Variants in STAG2 observed in about 807,000 individuals in gnomAD.
The protein encoded by STAG2 is cohesin subunit SA-2.
In STAG2, 14 loss-of-function variants were observed where a neutral mutation model predicts 108.1. The ratio of observed to expected loss-of-function variants is 0.13; its 90% confidence interval spans 0.09 to 0.20. STAG2 has a LOEUF of 0.20. Among genes scored for constraint, STAG2 ranks in the 10% least tolerant of loss-of-function variants. STAG2 has a pLI of 1.00. For synonymous variants in STAG2, 307 were observed against 302.7 expected, an observed-to-expected ratio of 1.01 and a Z score of -0.15; for missense variants, 440 against 940.9, an observed-to-expected ratio of 0.47 and a Z score of 6.96.
intron 30 of STAG2, among the ~76,000 whole-genome samples, chrX:124,088,615 C>CCTTTTT (rs146788871): frequency 2.4e-5 from 2 of 82,289 alleles, no homozygotes; most frequent in Non-Finnish European, 2.3e-5. Context: ...TATGTATAAT[C>CCTTTTT]TTTTTTTTTT....
chrX:124,023,624 A>G (rs1428902964), intron 3 of STAG2, among the ~76,000 whole-genome samples: 1 of 111,555 alleles, frequency 9.0e-6, no homozygotes, highest in Non-Finnish European at 1.9e-5. Context: ...TGCTGTATAC[A>G]GGATGTTACA....
intron 4 of STAG2, among the ~76,000 whole-genome samples, chrX:124,027,882 G>A (rs143244392): frequency 2.0e-3 from 218 of 110,583 alleles, no homozygotes; most frequent in Non-Finnish European, 3.7e-3. Flanking sequence ...ACAGGTTAGC[G>A]TATTTGCTTT....
chrX:124,031,710 G>A (rs2057349603), intron 5 of STAG2, among the ~76,000 whole-genome samples: 1 of 104,838 alleles, frequency 9.5e-6, no homozygotes, highest in South Asian at 4.2e-4. Flanking sequence ...AAGCCACCAT[G>A]CCCAGCCCAT....
In STAG2 at chrX:124,001,341, C is replaced by T. The variant is rs182908685; in HGVS notation, c.-162-20026C>T. The stretch of plus-strand genomic sequence containing the variant: ...TCCTGACCTCTTGATCCATCCGCCT[C>T]GGCCTCCCAAAGTGCTGAGATTACA... On this transcript the variant is annotated intron_variant, in intron 1 of 34. Coordinates refer to ENST00000371145, the MANE Select transcript of STAG2 (RefSeq NM_001042750.2). 4.0e-3 allele frequency among the ~76,000 whole-genome samples: 445 copies of T among 111,766 alleles called. 5 individuals are homozygous for T. The highest frequency in any genetic ancestry group is 0.014 in the African/African-American group (420 of 30,767).
chrX:124,040,619 A>G (rs947419514), intron 6 of STAG2, among the ~76,000 whole-genome samples: 3 of 108,896 alleles, frequency 2.8e-5, no homozygotes, highest in Non-Finnish European at 5.7e-5. Context: ...AGCTTTAGAA[A>G]TGAGGGATTG....
At chrX:123,992,378 A>G (rs1228176863) in intron 1 of STAG2, among the ~76,000 whole-genome samples, 1 of 111,557 alleles carries the variant, frequency 9.0e-6, no homozygotes, top group Non-Finnish European at 1.9e-5. Context: ...GTGCTGCTAC[A>G]GATATACTTA....
At chrX:124,052,311 T>C (rs903583567) in intron 13 of STAG2, among the ~76,000 whole-genome samples, 64 of 112,038 alleles carry the variant, frequency 5.7e-4, no homozygotes, top group African/African-American at 1.9e-3. Flanking sequence ...TGGAGCTCTG[T>C]ACCCATTAAA....
rs148344841 is a variant in STAG2, at chrX:124,084,021, C to A, written c.3053+472C>A. Among the ~76,000 whole-genome samples the A allele has an allele frequency of 5.9e-3, 665 of 111,799 alleles. 6 individuals carry two copies. Among genetic ancestry groups the A allele is most frequent in the Non-Finnish European group, 9.3e-3 (492 of 53,166 alleles). On this transcript the variant is annotated intron_variant, in intron 29 of 34. Transcript: ENST00000371145. ...AATCCATCAGGAACATCCTTTAATT[C>A]TCAAACAGGGCACTTTTCTGGTTTA...
At chrX:124,075,755 C>T (rs1209835600) in intron 25 of STAG2, among the ~76,000 whole-genome samples, 1 of 111,021 alleles carries the variant, frequency 9.0e-6, no homozygotes, top group African/African-American at 3.3e-5. Context: ...GTGGGGCTTC[C>T]CTGACTGCGA....
chrX:124,047,985 A>T (rs1338640921), intron 9 of STAG2, among the ~76,000 whole-genome samples: 1 of 112,548 alleles, frequency 8.9e-6, no homozygotes, highest in African/African-American at 3.2e-5. Flanking sequence ...TTTCAGCCTT[A>T]TGCGAAATAA....
At chrX:124,039,609 TTGTC>T (rs1223213647) in intron 6 of STAG2, among the ~76,000 whole-genome samples, 1 of 106,644 alleles carries the variant, frequency 9.4e-6, no homozygotes, top group Non-Finnish European at 1.9e-5. Flanking sequence ...GTTTGTTTGT[TTGTC>T]TGTTTTTGGC....
chrX:124,042,503 T>TC, intron 6 of STAG2, 66 bp from the exon 7 acceptor site: 1 of 779,703 alleles, frequency 1.3e-6, no homozygotes, highest in Non-Finnish European at 2.0e-6. Flanking sequence ...GTTAGAGACT[T>TC]ACTTGGAAGT....
chrX:124,009,731 A>C (rs2147909269), intron 1 of STAG2, among the ~76,000 whole-genome samples: 1 of 111,605 alleles, frequency 9.0e-6, no homozygotes, highest in South Asian at 3.8e-4. Context: ...CAAGGGAAAT[A>C]AATGTTTAAC....
intron 1 of STAG2, among the ~76,000 whole-genome samples, chrX:123,976,013 A>AG (rs1355444927): frequency 8.9e-6 from 1 of 112,302 alleles, no homozygotes; most frequent in Non-Finnish European, 1.9e-5. Flanking sequence ...TGCCGGGAGC[A>AG]GTGGCTCACA....
At chrX:124,018,312 G>C (rs1191256181) in intron 1 of STAG2, among the ~76,000 whole-genome samples, 1 of 112,247 alleles carries the variant, frequency 8.9e-6, no homozygotes, top group Non-Finnish European at 1.9e-5. Flanking sequence ...TGGTGAGTTT[G>C]ATTTTTAAAC....
chrX:123,971,394 C>T (rs2147536178), intron 1 of STAG2, among the ~76,000 whole-genome samples: 1 of 112,316 alleles, frequency 8.9e-6, no homozygotes, highest in East Asian at 2.8e-4. Flanking sequence ...CGTCACTGCA[C>T]TCCAGCCTGG....
intron 3 of STAG2, among the ~76,000 whole-genome samples, chrX:124,025,272 T>C (rs1200305617): frequency 2.7e-5 from 3 of 112,161 alleles, no homozygotes; most frequent in African/African-American, 6.5e-5. Context: ...TAAAGGATAT[T>C]GATCACTTAG....
intron 15 of STAG2, among the ~76,000 whole-genome samples, 177 bp downstream of exon 15, chrX:124,058,154 C>CTTTT (rs999044036): frequency 4.3e-3 from 312 of 72,855 alleles, no homozygotes; most frequent in East Asian, 6.5e-3. Flanking sequence ...TACTTTTCTT[C>CTTTT]TTTTTTTTTT....
intron 6 of STAG2, among the ~76,000 whole-genome samples, chrX:124,038,075 A>G (rs1214998512): frequency 8.9e-6 from 1 of 112,446 alleles, no homozygotes; most frequent in Non-Finnish European, 1.9e-5. Context: ...GTATTGATAA[A>G]ATCGACATTT....
Sources: allele counts gnomAD v4.1 joint callset (sites outside exome capture counted in the v4.1 genomes callset), GRCh38; gene constraint gnomAD v4.1.1; transcripts MANE v1.5; gene names NCBI Gene and HGNC (gene_info 2026-07-23, HGNC 2026-07-21).